The following CDH13 variants were observed in gnomAD, a reference collection of about 807,000 sequenced individuals.
The protein encoded by CDH13 is cadherin 13, also known as cadherin-13.
In CDH13, 24 loss-of-function variants were observed where a neutral mutation model predicts 63.8. That is an observed-to-expected ratio of 0.38 (90% CI 0.27 to 0.53). CDH13 has a LOEUF of 0.53. Among genes scored for constraint, CDH13 ranks in the 20% least tolerant of loss-of-function variants. CDH13 has a pLI of 0.85. For missense variants in CDH13, 1,049 were observed against 903.1 expected (o/e 1.16, Z -2.07); for synonymous variants, 503 against 355.3 (o/e 1.42, Z -4.67).
chr16:83,730,616 C>T (rs1419640860), intron 10 of CDH13, among the ~76,000 whole-genome samples: 2 of 152,094 alleles, frequency 1.3e-5, no homozygotes, highest in African/African-American at 2.4e-5. Context: ...AAAGGATCAC[C>T]TGGGTTTTTT....
chr16:82,867,413 C>G (rs190497611), intron 2 of CDH13, among the ~76,000 whole-genome samples: 1 of 152,196 alleles, frequency 6.6e-6, no homozygotes, highest in Non-Finnish European at 1.5e-5. Flanking sequence ...CAAGCTCATC[C>G]TGTCTCTGTA....
intron 7 of CDH13, among the ~76,000 whole-genome samples, chr16:83,550,809 G>A (rs4280223): frequency 2.6e-5 from 4 of 152,074 alleles, no homozygotes; most frequent in Admixed American, 6.6e-5. Flanking sequence ...GCCTTCCTTA[G>A]GCTGTTTTAC....
intron 1 of CDH13, among the ~76,000 whole-genome samples, chr16:82,649,042 T>C (rs924844354): frequency 3.8e-4 from 57 of 151,972 alleles, no homozygotes; most frequent in African/African-American, 1.3e-3. Context: ...TTTTAAAGCA[T>C]TTTGAATGGA....
At chr16:83,784,125 G>A (rs1915718801) in intron 13 of CDH13, among the ~76,000 whole-genome samples, 1 of 152,144 alleles carries the variant, frequency 6.6e-6, no homozygotes, top group Non-Finnish European at 1.5e-5. Flanking sequence ...ATATATAACT[G>A]TTACCATCCA....
intron 1 of CDH13, among the ~76,000 whole-genome samples, chr16:82,758,692 T>TG (rs1316187012): frequency 6.6e-6 from 1 of 152,144 alleles, no homozygotes; most frequent in Non-Finnish European, 1.5e-5. Context: ...GGGTAGTAAA[T>TG]GTAGGCACTT....
intron 2 of CDH13, among the ~76,000 whole-genome samples, chr16:82,984,129 A>C (rs2194282): frequency 0.019 from 2,883 of 152,298 alleles, 37 homozygotes; most frequent in South Asian, 0.031. Context: ...ACACACCCCA[A>C]ATATTCTAAA....
chr16:83,679,215 G>A (rs1013289622), intron 10 of CDH13, among the ~76,000 whole-genome samples: 3 of 152,212 alleles, frequency 2.0e-5, no homozygotes, highest in Admixed American at 6.5e-5. Flanking sequence ...CACCCGTGGT[G>A]CATCTAATGC....
At chr16:82,675,571 A>T (rs950541906) in intron 1 of CDH13, among the ~76,000 whole-genome samples, 1 of 152,210 alleles carries the variant, frequency 6.6e-6, no homozygotes, top group African/African-American at 2.4e-5. Flanking sequence ...CCTCATTACA[A>T]TTCCTTTGGT....
chr16:83,552,425 G>A (rs567599639), intron 7 of CDH13, among the ~76,000 whole-genome samples: 19 of 152,272 alleles, frequency 1.2e-4, no homozygotes, highest in Admixed American at 5.9e-4. Flanking sequence ...CCAATTGCTC[G>A]TGCTCACATG....
At chr16:83,580,300 G>A (rs1056495290) in intron 7 of CDH13, among the ~76,000 whole-genome samples, 1 of 152,088 alleles carries the variant, frequency 6.6e-6, no homozygotes, top group Non-Finnish European at 1.5e-5. Flanking sequence ...TACAGGAGAG[G>A]TAGTGAGAAT....
At chr16:82,918,506 C>CT (rs34099579) in intron 2 of CDH13, among the ~76,000 whole-genome samples, 9,452 of 119,744 alleles carry the variant, frequency 0.079, 535 homozygotes, top group Non-Finnish European at 0.12. Flanking sequence ...TACACTTTCA[C>CT]TTTTTTTTTT....
At chr16:83,036,316 C>T (rs1916852576) in intron 3 of CDH13, among the ~76,000 whole-genome samples, 1 of 151,798 alleles carries the variant, frequency 6.6e-6, no homozygotes, top group Non-Finnish European at 1.5e-5. Flanking sequence ...CACCTGGCTA[C>T]TTTTTGTATC....
intron 3 of CDH13, among the ~76,000 whole-genome samples, chr16:83,123,922 A>G (rs1463637609): frequency 1.3e-5 from 2 of 152,068 alleles, no homozygotes; most frequent in Non-Finnish European, 2.9e-5. Flanking sequence ...ATGATATCGC[A>G]TTGTCGTTTC....
At chr16:82,673,966 T>C (rs1296390903) in intron 1 of CDH13, among the ~76,000 whole-genome samples, 1 of 152,240 alleles carries the variant, frequency 6.6e-6, no homozygotes, top group African/African-American at 2.4e-5. Flanking sequence ...ATTAAGCCTA[T>C]GGAACAAAAG....
chr16:83,796,733 A>G lies in CDH13; in HGVS notation c.*1703A>G, dbSNP rs1042298370. The G allele has an allele frequency of 2.0e-5, 3 of 152,196 alleles. No individual in the cohort carries two copies. The highest frequency in any genetic ancestry group is 4.4e-5 in the Non-Finnish European group (3 of 68,040). 9.4% of individuals were successfully genotyped at this position (152,196 alleles called of 1,614,324 possible). ...ACATCTCTGGTTGGTGAGTGAGTCT[A>G]TGAAGACAGAAGTACCAGTTCTCAG... On this transcript the variant is annotated 3_prime_UTR_variant, in exon 14 of 14. Coordinates refer to ENST00000567109, the MANE Select transcript of CDH13 (RefSeq NM_001257.5).
Position 83,119,663 on chromosome 16 carries a change from T to A in CDH13, c.367-5722T>A, listed in dbSNP as rs564849282. Among the ~76,000 whole-genome samples the A allele has an allele frequency of 5.9e-5, 9 of 152,324 alleles. No homozygotes were observed. The East Asian group carries it at 1.7e-3, about 29-fold the overall frequency. ...AGTTTCTGGCCACGGATTGGCACCC[T>A]CACAGGCTTCATGCATGAAATGACA... On this transcript the variant is annotated intron_variant, in intron 3 of 13. Coordinates refer to ENST00000567109, the MANE Select transcript of CDH13 (RefSeq NM_001257.5).
At chr16:83,300,010 A>T (rs1232523666) in intron 5 of CDH13, among the ~76,000 whole-genome samples, 1 of 152,170 alleles carries the variant, frequency 6.6e-6, no homozygotes, top group Non-Finnish European at 1.5e-5. Flanking sequence ...GTCAAATGAG[A>T]GCCTCAGTTT....
chr16:83,528,644 T>C (rs1487434667), intron 7 of CDH13, among the ~76,000 whole-genome samples: 1 of 152,236 alleles, frequency 6.6e-6, no homozygotes, highest in Non-Finnish European at 1.5e-5. Flanking sequence ...TTTCCATCTA[T>C]CTCTAAATTT....
chr16:83,737,784 C>T (rs1911678111), intron 10 of CDH13, among the ~76,000 whole-genome samples: 1 of 152,162 alleles, frequency 6.6e-6, no homozygotes, highest in South Asian at 2.1e-4. Context: ...AATGCCCAAC[C>T]CTCGTGGGCT....
Sources: allele counts gnomAD v4.1 joint callset (sites outside exome capture counted in the v4.1 genomes callset), GRCh38; gene constraint gnomAD v4.1.1; transcripts MANE v1.5; gene names NCBI Gene and HGNC (gene_info 2026-07-23, HGNC 2026-07-21).